Variants in STRBP observed in about 807,000 individuals in gnomAD.
STRBP encodes spermatid perinuclear RNA binding protein.
STRBP carries 13 observed loss-of-function variants against 80.1 expected under a neutral mutation model. That is an observed-to-expected ratio of 0.16 (90% CI 0.11 to 0.26). The LOEUF is 0.26. Among genes scored for constraint, STRBP ranks in the 10% least tolerant of loss-of-function variants. The pLI, the probability that STRBP is intolerant of heterozygous loss-of-function variation, is 1.00. For missense variants in STRBP, 485 were observed against 815.2 expected (o/e 0.59, Z 4.93); for synonymous variants, 284 against 291.2 (o/e 0.98, Z 0.25).
intron 2 of STRBP, among the ~76,000 whole-genome samples, chr9:123,194,383 G>A (rs1356885096): frequency 6.6e-6 from 1 of 151,972 alleles, no homozygotes; most frequent in Non-Finnish European, 1.5e-5. Context: ...ATGTCACTCA[G>A]TAATCATCCC....
intron 2 of STRBP, among the ~76,000 whole-genome samples, chr9:123,234,686 G>C (rs189106402): frequency 6.6e-6 from 1 of 152,104 alleles, no homozygotes; most frequent in African/African-American, 2.4e-5. Flanking sequence ...CAGGCCGAGC[G>C]AGGTGGCTGA....
intron 11 of STRBP, among the ~76,000 whole-genome samples, chr9:123,152,032 T>C (rs989843973): frequency 2.0e-5 from 3 of 152,172 alleles, no homozygotes; most frequent in Non-Finnish European, 4.4e-5. Context: ...ATAAATTACT[T>C]TATTCTAAAA....
At chr9:123,146,763 G>T in intron 13 of STRBP, 92 bp downstream of exon 13, 1 of 1,128,460 alleles carries the variant, frequency 8.9e-7, no homozygotes, top group Non-Finnish European at 1.2e-6. Flanking sequence ...CTATTAAAAT[G>T]TTTTTAAAAA....
At chr9:123,190,131 T>C (rs1174784415) in intron 2 of STRBP, among the ~76,000 whole-genome samples, 1 of 151,938 alleles carries the variant, frequency 6.6e-6, no homozygotes, top group African/African-American at 2.4e-5. Context: ...AATACAAAAA[T>C]CAGCCAAACG....
At chr9:123,249,931 T>A (rs1355215311) in intron 1 of STRBP, among the ~76,000 whole-genome samples, 1 of 152,176 alleles carries the variant, frequency 6.6e-6, no homozygotes, top group South Asian at 2.1e-4. Flanking sequence ...TAGGTCACAT[T>A]TGGAAGATCA....
intron 2 of STRBP, among the ~76,000 whole-genome samples, chr9:123,232,467 C>G (rs1212628816): frequency 6.6e-6 from 1 of 152,120 alleles, no homozygotes; most frequent in African/African-American, 2.4e-5. Flanking sequence ...TTACAACAGC[C>G]CCATACTTGT....
rs1270941245 is a variant in STRBP, at chr9:123,125,665, T to G, written c.1951A>C (p.Lys651Gln). 1 of 1,612,542 alleles carries G rather than the reference T, an allele frequency of 6.2e-7. No homozygotes were observed. Among genetic ancestry groups the G allele is most frequent in the Non-Finnish European group, 8.5e-7 (1 of 1,179,296 alleles). The change falls in exon 19 of 19, where the codon AAG becomes CAG. Residue 651 changes from lysine (K) to glutamine (Q), a missense_variant. Coordinates refer to ENST00000348403, the MANE Select transcript of STRBP (RefSeq NM_018387.5). ...STAAPAYGLP[K>Q]RMVLLPVMKF... ...ATAACGGGTAACAGAACCATTCTCTTGGGTAAACCTACAGAGAAAAGAAAC... is the reference window on the plus strand; with the variant it reads ...ATAACGGGTAACAGAACCATTCTCTGGGGTAAACCTACAGAGAAAAGAAAC...
intron 3 of STRBP, among the ~76,000 whole-genome samples, chr9:123,182,003 T>A (rs2038486531): frequency 6.7e-6 from 1 of 150,308 alleles, no homozygotes; most frequent in African/African-American, 2.4e-5. Context: ...TCATCAGAGG[T>A]CAGGAGTTCA....
At chr9:123,248,977 C>T (rs903717788) in intron 1 of STRBP, among the ~76,000 whole-genome samples, 38 of 152,336 alleles carry the variant, frequency 2.5e-4, no homozygotes, top group African/African-American at 8.7e-4. Flanking sequence ...ATGACCTATT[C>T]GCTGCATTTC....
intron 1 of STRBP, among the ~76,000 whole-genome samples, chr9:123,263,466 A>G (rs2041200248): frequency 6.6e-6 from 1 of 150,792 alleles, no homozygotes; most frequent in Non-Finnish European, 1.5e-5. Flanking sequence ...TCAAGGTTAC[A>G]ATGAGCTATG....
intron 13 of STRBP, among the ~76,000 whole-genome samples, chr9:123,140,223 C>G (rs963717681): frequency 6.6e-6 from 1 of 152,162 alleles, no homozygotes; most frequent in Non-Finnish European, 1.5e-5. Context: ...ATCTTTGAAC[C>G]AACTTGCCTG....
intron 2 of STRBP, among the ~76,000 whole-genome samples, chr9:123,218,961 G>A (rs967866872): frequency 1.3e-5 from 2 of 151,960 alleles, no homozygotes; most frequent in African/African-American, 2.4e-5. Flanking sequence ...TCCAATTCAC[G>A]GATGAGGAAA....
rs560419237 is a variant in STRBP, at chr9:123,207,595, G to T, written c.-164-23297C>A. Among the ~76,000 whole-genome samples the T allele has an allele frequency of 2.0e-5, 3 of 152,242 alleles. No individual in the cohort carries two copies. The East Asian group carries it at 5.8e-4, about 29-fold the overall frequency. On this transcript the variant is annotated intron_variant, in intron 2 of 18. Coordinates refer to ENST00000348403, the MANE Select transcript of STRBP (RefSeq NM_018387.5). ...ACACATCAGGAAAGCGGGGTCGGGGGCTAGGGGAGGGATAGCATTCGGAGA... is the reference window on the plus strand; with the variant it reads ...ACACATCAGGAAAGCGGGGTCGGGGTCTAGGGGAGGGATAGCATTCGGAGA...
intron 6 of STRBP, chr9:123,168,286 T>C (rs2037854427): frequency 2.1e-6 from 2 of 954,112 alleles, no homozygotes; most frequent in Admixed American, 1.2e-4. Context: ...CCATTTAAGA[T>C]TGGTTCTTCA....
At chr9:123,149,136 A>T (rs1366183622) in intron 11 of STRBP, among the ~76,000 whole-genome samples, 1 of 152,204 alleles carries the variant, frequency 6.6e-6, no homozygotes, top group Non-Finnish European at 1.5e-5. Flanking sequence ...AGATTTCCAG[A>T]TTCTTCTAGT....
At chr9:123,116,306 A>G (rs936406068) in intron 2 of STRBP, among the ~76,000 whole-genome samples, 1 of 152,184 alleles carries the variant, frequency 6.6e-6, no homozygotes, top group African/African-American at 2.4e-5. Flanking sequence ...CATAAAACAC[A>G]TACTTCCAAC....
At chr9:123,165,916 A>C (rs1353248419) in intron 6 of STRBP, among the ~76,000 whole-genome samples, 1 of 152,352 alleles carries the variant, frequency 6.6e-6, no homozygotes, top group East Asian at 1.9e-4. Flanking sequence ...ATATCTTAAC[A>C]GAGATTAATC....
At chr9:123,192,909 G>C (rs970371895) in intron 2 of STRBP, among the ~76,000 whole-genome samples, 1 of 152,038 alleles carries the variant, frequency 6.6e-6, no homozygotes, top group African/African-American at 2.4e-5. Context: ...AGGTCCTATC[G>C]TCATTCTTGT....
chr9:123,244,085 C>T (rs909808668), intron 1 of STRBP, among the ~76,000 whole-genome samples: 4 of 152,186 alleles, frequency 2.6e-5, no homozygotes, highest in African/African-American at 9.6e-5. Flanking sequence ...TACTGTGGTT[C>T]ATCCACTATA....
Sources: allele counts gnomAD v4.1 joint callset (sites outside exome capture counted in the v4.1 genomes callset), GRCh38; gene constraint gnomAD v4.1.1; transcripts MANE v1.5; gene names NCBI Gene and HGNC (gene_info 2026-07-23, HGNC 2026-07-21).